Variants in EPHB4 observed in about 807,000 individuals in gnomAD.
EPHB4 encodes EPH receptor B4, also known as ephrin type-B receptor 4.
In EPHB4, 50 loss-of-function variants were observed where a neutral mutation model predicts 110.6. The ratio of observed to expected loss-of-function variants is 0.45; its 90% confidence interval spans 0.36 to 0.57. EPHB4 has a LOEUF of 0.57. Ranked by LOEUF, EPHB4 falls within the 20% of genes least tolerant of loss-of-function variation. EPHB4 has a pLI of 0.00. For synonymous variants in EPHB4, 592 were observed against 578.4 expected (o/e 1.02, Z -0.34); for missense variants, 1,128 against 1,382.1 (o/e 0.82, Z 2.91).
At chr7:100,817,858 C>CGTT (rs1813117432) in intron 7 of EPHB4, among the ~76,000 whole-genome samples, 1 of 41,878 alleles carries the variant, frequency 2.4e-5, no homozygotes, top group East Asian at 8.1e-4. Flanking sequence ...GTATTTTTTG[C>CGTT]GTTTTTTTTT....
At position 100,817,205 on chromosome 7, in the gene EPHB4, C is replaced by G. The variant is rs917922151; in HGVS notation, c.1575G>C (p.Gln525His). The change falls in exon 8 of 17, where the codon CAG (glutamine) becomes CAC (histidine). Residue 525 changes from glutamine to histidine, a missense_variant. Transcript: ENST00000358173. The part of the protein sequence containing the change: ...YGPFGQEHHS[Q>H]TQLDESEGWR... Reference sequence around the variant, plus strand: ...CCCCAGGCTCACCATCCAGTTGGGTCTGGCTGTGATGTTCCTGGCCGAAGG... The same window carrying G: ...CCCCAGGCTCACCATCCAGTTGGGTGTGGCTGTGATGTTCCTGGCCGAAGG... 2 of 1,572,176 alleles carry G rather than the reference C, an allele frequency of 1.3e-6. No individual in the cohort carries two copies. The highest frequency in any genetic ancestry group is 1.4e-5 in the African/African-American group (1 of 72,286).
Position 100,822,291 on chromosome 7 carries a change from T to A in EPHB4, c.788A>T (p.Glu263Val). The change falls in exon 4 of 17, where the codon GAG becomes GTG. Residue 263 changes from glutamate (E) to valine (V), a missense_variant. Transcript: ENST00000358173. The surrounding 1 kb of genome is among the most constrained non-coding windows in gnomAD (Gnocchi z 4.7). The part of the protein sequence containing the change: ...CSCAPGFEAA[E>V]GNTKCRACAQ... ...CTCACCTCGGCACTTGGTGTTCCCC[T>A]CAGCTGCCTCGAACCCCGGAGCACA... 6.4e-7 allele frequency: 1 copy of A among 1,563,530 alleles called. No homozygotes were observed.
chr7:100,819,413 G>T, intron 6 of EPHB4, 144 bp downstream of exon 6: 2 of 902,506 alleles, frequency 2.2e-6, no homozygotes, highest in Non-Finnish European at 3.3e-6. Flanking sequence ...CCCAGCCATT[G>T]CCCTCTTTCT....
At chr7:100,821,049 C>A (rs1050854581) in intron 4 of EPHB4, 5 of 151,236 alleles carry the variant, frequency 3.3e-5, no homozygotes, top group African/African-American at 1.2e-4. Flanking sequence ...ATCGCCTGAA[C>A]CCGGGAGGTG....
intron 14 of EPHB4, chr7:100,806,051 T>G (rs1008539762): frequency 7.4e-6 from 2 of 271,450 alleles, no homozygotes; most frequent in African/African-American, 2.2e-5. Flanking sequence ...CCTCTGTTCC[T>G]GGGTTCAAGC....
Position 100,813,159 on chromosome 7 carries a change from A to G in EPHB4, c.1806T>C (p.Ala602=). ...CGATCTCTTTTGCAAATTCCCTCAC[A>G]GCCTCATTAGGGTCTTCATAAGTGA... ...DPFTYEDPNE[A]VREFAKEIDV... The change falls in exon 11 of 17, where the codon GCT becomes GCC. Residue 602 remains alanine (A), a synonymous_variant. Transcript: ENST00000358173. 6.2e-7 allele frequency: 1 copy of G among 1,609,886 alleles called. No homozygotes were observed. The highest frequency in any genetic ancestry group is 8.5e-7 in the Non-Finnish European group (1 of 1,179,994).
Position 100,803,475 on chromosome 7 carries a change from C to A in EPHB4, c.2950G>T (p.Ala984Ser). 1 of 1,575,118 alleles carries A rather than the reference C, an allele frequency of 6.3e-7. No homozygotes were observed. Among genetic ancestry groups the A allele is most frequent in the Admixed American group, 1.8e-5 (1 of 54,510 alleles). The change falls in exon 17 of 17, where the codon GCC becomes TCC. Residue 984 changes from alanine (A) to serine (S), a missense_variant. This residue lies in a region of EPHB4 where 209 missense variants were observed against 240.5 expected (regional missense o/e 0.87). Coordinates refer to ENST00000358173, the MANE Select transcript of EPHB4 (RefSeq NM_004444.5). The part of the protein sequence containing the change: ...PGTPGGTGGP[A>S]PQY ...GTTCCTGCAGGTCAGTACTGCGGGG[C>A]CGGTCCTCCTGTCCCACCCGGGGTT...
At chr7:100,820,359 G>A (rs1813194933) in intron 4 of EPHB4, 63 bp from the exon 5 acceptor site, 8 of 1,545,882 alleles carry the variant, frequency 5.2e-6, no homozygotes, top group South Asian at 2.4e-5. Flanking sequence ...CGGTGGGCTC[G>A]GTGGCTCATG....
chr7:100,805,707 G>C lies in EPHB4; in HGVS notation c.2485-13C>G, dbSNP rs1179474629. The C allele has an allele frequency of 1.4e-6, 2 of 1,451,708 alleles. No homozygotes were observed. The highest frequency in any genetic ancestry group is 1.8e-6 in the Non-Finnish European group (2 of 1,101,884). The allele number at this position is 1,451,708 out of a possible 1,614,324, so 89.9% of individuals were successfully genotyped here. A position where few individuals can be genotyped will look rare whatever the true frequency, so the allele number is the denominator to read the frequency against. ...TGGCATTGATCACCTGGAAAGAGGG[G>C]AAGAAGCTCTGGGTGAGGCTGTCCA... On this transcript the variant is annotated splice_polypyrimidine_tract_variant and intron_variant, in intron 14 of 16. Coordinates refer to ENST00000358173, the MANE Select transcript of EPHB4 (RefSeq NM_004444.5).
chr7:100,816,948 T>C lies in EPHB4; in HGVS notation c.1588+244A>G, dbSNP rs536146427. 4.5e-4 allele frequency among the ~76,000 whole-genome samples: 69 copies of C among 151,970 alleles called. No homozygotes were observed. In the South Asian group the frequency reaches 5.2e-3, roughly 11 times the overall value. On this transcript the variant is annotated intron_variant, in intron 8 of 16. Coordinates refer to ENST00000358173, the MANE Select transcript of EPHB4 (RefSeq NM_004444.5). ...AATACAAAAAATCGGCCAGGCGCGG[T>C]GGCAGGCGCCTGTAATCCCAGCTAC...
In EPHB4 at chr7:100,815,800, A is replaced by AC. The variant is rs373532182; in HGVS notation, c.1588+1391_1588+1392insG. Among the ~76,000 whole-genome samples the AC allele has an allele frequency of 3.3e-4, 51 of 152,266 alleles. No homozygotes were observed. In the East Asian group the frequency reaches 6.9e-3, roughly 21 times the overall value. ...TCAGGAATTTGAGACCAGCCTGGGC[A>AC]ACATAGGGAAACTGTCTCAACAAAA... On this transcript the variant is annotated intron_variant, in intron 8 of 16. Transcript: ENST00000358173.
chr7:100,826,516 G>A (rs1813400537), intron 1 of EPHB4, among the ~76,000 whole-genome samples: 1 of 152,106 alleles, frequency 6.6e-6, no homozygotes, highest in Non-Finnish European at 1.5e-5. Context: ...GGAGGATCAA[G>A]GTGTGATCGC....
At chr7:100,812,588 T>TA (rs543532700) in intron 12 of EPHB4, among the ~76,000 whole-genome samples, 159 bp downstream of exon 12, 8 of 151,602 alleles carry the variant, frequency 5.3e-5, no homozygotes, top group Admixed American at 1.3e-4. Flanking sequence ...GGCTCTGTCT[T>TA]AAAAAAAAGA....
In EPHB4 at chr7:100,822,901, C is replaced by T. The variant is rs953320949; in HGVS notation, c.412-234G>A. Reference sequence around the variant, plus strand: ...GCACCTCTCCCCCTTTTTATTCACTCGTTCTACAAACATTTACTGACACTG... The same window carrying T: ...GCACCTCTCCCCCTTTTTATTCACTTGTTCTACAAACATTTACTGACACTG... On this transcript the variant is annotated intron_variant, in intron 3 of 16. Coordinates refer to ENST00000358173, the MANE Select transcript of EPHB4 (RefSeq NM_004444.5). The surrounding 1 kb of genome is among the most constrained non-coding windows in gnomAD (Gnocchi z 4.7). Among the ~76,000 whole-genome samples, 3 of 152,192 alleles carry T rather than the reference C, an allele frequency of 2.0e-5. No homozygotes were observed. Among genetic ancestry groups the T allele is most frequent in the East Asian group, 1.9e-4 (1 of 5,180 alleles).
intron 7 of EPHB4, 40 bp downstream of exon 7, chr7:100,818,479 AC>A (rs1813135899): frequency 6.2e-7 from 1 of 1,606,502 alleles, no homozygotes; most frequent in Admixed American, 1.7e-5. Flanking sequence ...GGAGAGCACA[AC>A]CCATTGCCCA....
chr7:100,823,483 A>G (rs1464970070), intron 3 of EPHB4, among the ~76,000 whole-genome samples, 161 bp downstream of exon 3: 1 of 152,078 alleles, frequency 6.6e-6, no homozygotes, highest in African/African-American at 2.4e-5. Flanking sequence ...TCCTCCGCCC[A>G]GAAGATCACC....
In EPHB4 at chr7:100,803,374, G is replaced by C; in HGVS notation, c.*87C>G. The C allele has an allele frequency of 7.4e-7, 1 of 1,347,854 alleles. No individual in the cohort carries two copies. Among genetic ancestry groups the C allele is most frequent in the Non-Finnish European group, 9.7e-7 (1 of 1,032,256 alleles). The allele number at this position is 1,347,854 out of a possible 1,614,324, so 83.5% of individuals were successfully genotyped here. ...CACGGGCTCAAAGTGCAATCCAGCG[G>C]GGCACAGGGCTGGGGGCCTCTGTGA... On this transcript the variant is annotated 3_prime_UTR_variant, in exon 17 of 17. Coordinates refer to ENST00000358173, the MANE Select transcript of EPHB4 (RefSeq NM_004444.5).
chr7:100,813,661 T>A lies in EPHB4; in HGVS notation c.1747A>T (p.Ile583Phe). The stretch of plus-strand genomic sequence containing the variant: ...AATTAGGGCAACCCACCATGTCCGA[T>A]GAGATACTGTCCGTGTTTGTCCGAA... ...EYSDKHGQYL[I>F]GHGTKVYIDP... The change falls in exon 10 of 17, where the codon ATC becomes TTC. Residue 583 changes from isoleucine (I) to phenylalanine (F), a missense_variant. Physicochemically the swap from Ile to Phe is conservative, Grantham distance 21. This residue lies in a region of EPHB4 where 728 missense variants were observed against 828.6 expected (regional missense o/e 0.88). Transcript: ENST00000358173. The A allele has an allele frequency of 6.2e-7, 1 of 1,609,332 alleles. No individual in the cohort carries two copies. The highest frequency in any genetic ancestry group is 8.5e-7 in the Non-Finnish European group (1 of 1,175,642).
chr7:100,808,247 C>A (rs1454186653), intron 12 of EPHB4, among the ~76,000 whole-genome samples: 1 of 152,184 alleles, frequency 6.6e-6, no homozygotes, highest in African/African-American at 2.4e-5. Context: ...GAGACAAGGT[C>A]TCTTTCTTTC....
Sources: allele counts gnomAD v4.1 joint callset (sites outside exome capture counted in the v4.1 genomes callset), GRCh38; gene constraint gnomAD v4.1.1; regional missense constraint gnomAD v4.1.1; non-coding constraint Gnocchi (gnomAD v3.1); transcripts MANE v1.5; gene names NCBI Gene and HGNC (gene_info 2026-07-23, HGNC 2026-07-21).